PHEX: variants seen among roughly 807,000 people sequenced by gnomAD.
PHEX encodes phosphate regulating endopeptidase X-linked, also known as phosphate-regulating neutral endopeptidase PHEX.
PHEX carries 16 observed loss-of-function variants against 68.0 expected under a neutral mutation model. The ratio of observed to expected loss-of-function variants is 0.24; its 90% confidence interval spans 0.16 to 0.36. The LOEUF is 0.36. Among genes scored for constraint, PHEX ranks in the 10% least tolerant of loss-of-function variants. The probability of loss-of-function intolerance (pLI) is 1.00; values close to 1 mark genes in which losing one functional copy is unlikely to be tolerated. For missense variants in PHEX, 480 were observed against 575.5 expected (o/e 0.83, Z 1.70); for synonymous variants, 208 against 205.1 (o/e 1.01, Z -0.12).
At chrX:22,099,670 T>A (rs952907223) in intron 9 of PHEX, among the ~76,000 whole-genome samples, 1 of 112,124 alleles carries the variant, frequency 8.9e-6, no homozygotes, top group Non-Finnish European at 1.9e-5. Flanking sequence ...TTTTAAAGAA[T>A]GTTTTAGAAT....
intron 6 of PHEX, among the ~76,000 whole-genome samples, chrX:22,093,352 T>C (rs752277481): frequency 1.6e-3 from 176 of 111,887 alleles, no homozygotes; most frequent in Non-Finnish European, 2.9e-3. Flanking sequence ...CCAAAATGGG[T>C]TTATGAGTAT....
chrX:22,192,192 T>G (rs146997067), intron 15 of PHEX, among the ~76,000 whole-genome samples: 265 of 111,554 alleles, frequency 2.4e-3, no homozygotes, highest in Admixed American at 5.0e-3. Context: ...TGTTCTCTTC[T>G]CTCCATCTTT....
intron 12 of PHEX, among the ~76,000 whole-genome samples, chrX:22,139,821 G>A (rs1932384509): frequency 1.8e-5 from 2 of 110,077 alleles, no homozygotes; most frequent in Non-Finnish European, 3.8e-5. Flanking sequence ...ATTACAGTGT[G>A]AGCCACTGCC....
chrX:22,141,488 T>C (rs1039353370), intron 12 of PHEX, among the ~76,000 whole-genome samples: 3 of 111,182 alleles, frequency 2.7e-5, no homozygotes, highest in African/African-American at 9.8e-5. Context: ...AACGAATTTC[T>C]AGTCAGTTAA....
At position 22,099,017 on chromosome X, in the gene PHEX, G is replaced by A; in HGVS notation, c.945G>A (p.Leu315=). ...LSAMIPQFDW[L]GYIKKVIDTR... ...CTCTCTCCCCTCAGTTCGACTGGCT[G>A]GGCTACATCAAGAAGGTCATTGACA... Residue 315 remains leucine (L), a synonymous_variant, in exon 9 of 22, where the codon CTG becomes CTA. Coordinates refer to ENST00000379374, the MANE Select transcript of PHEX (RefSeq NM_000444.6). 8.3e-7 allele frequency: 1 copy of A among 1,209,325 alleles called. No individual in the cohort carries two copies. The highest frequency in any genetic ancestry group is 1.1e-6 in the Non-Finnish European group (1 of 894,197).
chrX:22,241,603 C>T (rs2074693684), intron 20 of PHEX, among the ~76,000 whole-genome samples: 1 of 111,674 alleles, frequency 9.0e-6, no homozygotes, highest in Non-Finnish European at 1.9e-5. Context: ...CACCACCGAT[C>T]CCACAGAAAT....
intron 11 of PHEX, among the ~76,000 whole-genome samples, chrX:22,125,517 A>T (rs1429115971): frequency 9.0e-6 from 1 of 110,759 alleles, no homozygotes; most frequent in Non-Finnish European, 1.9e-5. Flanking sequence ...CCTAGCCTAT[A>T]ATTATTCCTA....
At chrX:22,211,125 C>G (rs1934907961) in intron 15 of PHEX, among the ~76,000 whole-genome samples, 1 of 111,631 alleles carries the variant, frequency 9.0e-6, no homozygotes, top group South Asian at 3.7e-4. Context: ...AGTACAGTTC[C>G]TAGGATCAAC....
In PHEX at chrX:22,114,503, G is replaced by A. The variant is rs1463347924; in HGVS notation, c.1219G>A (p.Val407Ile). ...TTLLPQWDKC[V>I]NFIESALPYV... ...TTTGCTGCCTCAATGGGACAAATGT[G>A]TAAACTTTATTGAAAGTGCCCTCCC... Residue 407 changes from valine to isoleucine, a missense_variant, in exon 11 of 22, where the codon GTA becomes ATA. Coordinates refer to ENST00000379374, the MANE Select transcript of PHEX (RefSeq NM_000444.6). 3 of 1,196,667 alleles carry A rather than the reference G, an allele frequency of 2.5e-6. No homozygotes were observed. The highest frequency in any genetic ancestry group is 4.4e-5 in the Admixed American group (2 of 45,968).
chrX:22,038,855 G>T (rs1367171505), intron 2 of PHEX, among the ~76,000 whole-genome samples: 1 of 111,703 alleles, frequency 9.0e-6, no homozygotes, highest in Non-Finnish European at 1.9e-5. Flanking sequence ...GGCTCCGCTG[G>T]CTATGAATTC....
intron 13 of PHEX, chrX:22,172,273 A>G (rs1933561998): frequency 1.8e-5 from 2 of 112,424 alleles, no homozygotes; most frequent in Middle Eastern, 4.2e-3. Flanking sequence ...TAATAGAAAT[A>G]GATTCAAAAG....
intron 1 of PHEX, among the ~76,000 whole-genome samples, chrX:22,035,857 C>T (rs944584906): frequency 3.7e-5 from 4 of 108,347 alleles, no homozygotes; most frequent in Non-Finnish European, 7.6e-5. Flanking sequence ...TCTTTATTGT[C>T]TCTATTTCAT....
At chrX:22,247,411 G>C (rs1936421701) in intron 21 of PHEX, among the ~76,000 whole-genome samples, 1 of 111,951 alleles carries the variant, frequency 8.9e-6, no homozygotes. Context: ...GTTATCTTGG[G>C]AGATGCTGTT....
chrX:22,148,934 T>G, intron 12 of PHEX, among the ~76,000 whole-genome samples: 1 of 111,879 alleles, frequency 8.9e-6, no homozygotes, highest in Middle Eastern at 4.7e-3. Context: ...TTGGGACACG[T>G]GACCTTTGTG....
At chrX:22,073,854 G>T (rs1182005116) in intron 3 of PHEX, among the ~76,000 whole-genome samples, 1 of 109,837 alleles carries the variant, frequency 9.1e-6, no homozygotes, top group African/African-American at 3.3e-5. Context: ...TGGCCAGGCT[G>T]GTCTCAAACT....
intron 12 of PHEX, 52 bp from the exon 13 acceptor site, chrX:22,168,260 A>T: frequency 2.3e-6 from 2 of 862,121 alleles, no homozygotes; most frequent in Non-Finnish European, 3.5e-6. Flanking sequence ...TGTGATTATT[A>T]ATGATTTAAG....
intron 5 of PHEX, among the ~76,000 whole-genome samples, chrX:22,084,288 A>G (rs1179243660): frequency 8.9e-6 from 1 of 111,860 alleles, no homozygotes; most frequent in East Asian, 2.8e-4. Context: ...CACCCAGCAT[A>G]TCATGTCTAT....
chrX:22,036,054 A>ATT lies in PHEX; in HGVS notation c.119-2393_119-2392dup, dbSNP rs72347239. On this transcript the variant is annotated intron_variant, in intron 1 of 21. Coordinates refer to ENST00000379374, the MANE Select transcript of PHEX (RefSeq NM_000444.6). The stretch of plus-strand genomic sequence containing the variant: ...CACGTACATATATATATATATATAT[A>ATT]TTTTTTTTTTTTTTTTTTTTTTTGA... Among the ~76,000 whole-genome samples, 98 of 56,687 alleles carry ATT rather than the reference A, an allele frequency of 1.7e-3. 3 individuals are homozygous for ATT. The highest frequency in any genetic ancestry group is 2.1e-3 in the African/African-American group (23 of 10,916). 49.2% of individuals were successfully genotyped at this position (56,687 alleles called of 115,157 possible).
chrX:22,142,302 G>A (rs1459334438), intron 12 of PHEX, among the ~76,000 whole-genome samples: 1 of 112,051 alleles, frequency 8.9e-6, no homozygotes, highest in African/African-American at 3.2e-5. Flanking sequence ...TTCTAGTGGT[G>A]GCACAGGAGG....
Sources: gnomAD v4.1 joint callset for allele counts (sites outside exome capture counted in the v4.1 genomes callset) on GRCh38, gnomAD v4.1.1 for gene constraint, MANE v1.5 for transcripts, NCBI Gene and HGNC (gene_info 2026-07-23, HGNC 2026-07-21) for gene names.